Variants in KANK1 observed in about 807,000 individuals in gnomAD.
KANK1 encodes the protein KN motif and ankyrin repeat domains 1, also known as KN motif and ankyrin repeat domain-containing protein 1.
In KANK1, 109 loss-of-function variants were observed where a neutral mutation model predicts 106.2. The observed-to-expected ratio is 1.03, with a 90% CI of 0.88 to 1.20. The LOEUF (loss-of-function observed/expected upper bound fraction) is 1.20. KANK1 is among the 50% of genes most tolerant of loss of function. The pLI, the probability that KANK1 is intolerant of heterozygous loss-of-function variation, is 0.00. For synonymous variants in KANK1, 873 were observed against 652.2 expected, an observed-to-expected ratio of 1.34 and a Z score of -5.16; for missense variants, 2,399 against 1,710.7, an observed-to-expected ratio of 1.40 and a Z score of -7.10.
chr9:540,191 A>G (rs984821705), intron 1 of KANK1, among the ~76,000 whole-genome samples: 1 of 152,164 alleles, frequency 6.6e-6, no homozygotes, highest in Admixed American at 6.6e-5. Context: ...GGCCTTTATT[A>G]TGTCGAGGTC....
chr9:716,018 C>G (rs554704224), intron 3 of KANK1, among the ~76,000 whole-genome samples: 15 of 152,304 alleles, frequency 9.8e-5, no homozygotes, highest in Admixed American at 2.6e-4. Context: ...GAATGTATTT[C>G]TGAACCAAAA....
intron 3 of KANK1, among the ~76,000 whole-genome samples, chr9:725,966 A>T (rs187821872): frequency 7.2e-4 from 110 of 152,344 alleles, no homozygotes; most frequent in African/African-American, 2.5e-3. Flanking sequence ...TTTAGGAAAT[A>T]CTAGAGACAA....
chr9:718,215 T>C (rs1589158617), intron 3 of KANK1, among the ~76,000 whole-genome samples: 1 of 147,706 alleles, frequency 6.8e-6, no homozygotes, highest in East Asian at 2.0e-4. Context: ...CCTGCAGATA[T>C]AAAAATATGA....
chr9:729,190 C>A (rs1447635472), intron 3 of KANK1, among the ~76,000 whole-genome samples: 1 of 152,158 alleles, frequency 6.6e-6, no homozygotes, highest in Non-Finnish European at 1.5e-5. Context: ...CAAAAGCACT[C>A]TAGTAGATTT....
intron 1 of KANK1, among the ~76,000 whole-genome samples, chr9:640,340 A>T (rs941547933): frequency 6.6e-6 from 1 of 151,450 alleles, no homozygotes; most frequent in Non-Finnish European, 1.5e-5. Context: ...GGTTCAGGCG[A>T]TTCTCCTGCA....
At chr9:699,744 T>C (rs1822193175) in intron 2 of KANK1, among the ~76,000 whole-genome samples, 1 of 152,210 alleles carries the variant, frequency 6.6e-6, no homozygotes, top group Admixed American at 6.5e-5. Context: ...ACAATTTTAT[T>C]TGCATGAAGT....
intron 1 of KANK1, among the ~76,000 whole-genome samples, chr9:526,860 C>T (rs1247143505): frequency 6.6e-6 from 1 of 151,780 alleles, no homozygotes; most frequent in Non-Finnish European, 1.5e-5. Flanking sequence ...TTACTTTCCT[C>T]ACACTGTGGA....
intron 1 of KANK1, among the ~76,000 whole-genome samples, chr9:571,842 G>A (rs1341967953): frequency 2.0e-5 from 3 of 152,170 alleles, no homozygotes; most frequent in African/African-American, 7.2e-5. Flanking sequence ...AGAAAAATAT[G>A]GGTTTATAGG....
intron 1 of KANK1, among the ~76,000 whole-genome samples, chr9:628,532 G>C (rs1563888845): frequency 6.6e-6 from 1 of 152,172 alleles, no homozygotes. Context: ...CTCGTCACTT[G>C]AGGTGCTGGT....
chr9:643,472 C>T (rs1049275320), intron 1 of KANK1, among the ~76,000 whole-genome samples: 1 of 150,044 alleles, frequency 6.7e-6, no homozygotes, highest in Non-Finnish European at 1.5e-5. Context: ...GGGGCCTCCT[C>T]CCGAAGAATT....
rs60899850 is a variant in KANK1 at position 709,610 on chromosome 9, CTT to C, written c.38-1177_38-1176del. 3.5e-3 allele frequency among the ~76,000 whole-genome samples: 474 copies of C among 136,916 alleles called. 1 individual carries two copies. Among genetic ancestry groups the C allele is most frequent in the East Asian group, 0.032 (150 of 4,688 alleles). The allele number at this position is 136,916 out of a possible 152,430, so 89.8% of individuals were successfully genotyped here. A position where few individuals can be genotyped will look rare whatever the true frequency, so the allele number is the denominator to read the frequency against. ...TATCTACTGGACAATGCTTTCATGT[CTT>C]TTTTTTTTTTTTTTTTAATTGAGAC... On this transcript the variant is annotated intron_variant, in intron 2 of 11. Coordinates refer to ENST00000382297, the MANE Select transcript of KANK1 (RefSeq NM_015158.5).
At chr9:627,203 A>G (rs369960669) in intron 1 of KANK1, among the ~76,000 whole-genome samples, 3 of 152,284 alleles carry the variant, frequency 2.0e-5, no homozygotes, top group Admixed American at 6.5e-5. Flanking sequence ...TTTATGGACA[A>G]GTCCATCCAG....
intron 1 of KANK1, among the ~76,000 whole-genome samples, chr9:550,769 G>T (rs1015819236): frequency 6.6e-6 from 1 of 152,164 alleles, no homozygotes. Context: ...AATTATGAGC[G>T]TAAGGCCCAG....
At chr9:663,445 CTG>C (rs1843820552) in intron 1 of KANK1, among the ~76,000 whole-genome samples, 1 of 152,196 alleles carries the variant, frequency 6.6e-6, no homozygotes, top group African/African-American at 2.4e-5. Context: ...TCAGTAAATA[CTG>C]TTTTAATGTA....
intron 1 of KANK1, among the ~76,000 whole-genome samples, chr9:609,272 A>T (rs1005820310): frequency 6.6e-6 from 1 of 152,200 alleles, no homozygotes; most frequent in East Asian, 1.9e-4. Flanking sequence ...AATTAAATAG[A>T]TTTGCTTAAC....
chr9:630,419 C>T (rs560416430), intron 1 of KANK1, among the ~76,000 whole-genome samples: 8 of 151,898 alleles, frequency 5.3e-5, no homozygotes, highest in South Asian at 2.1e-4. Flanking sequence ...GGCATGGTGG[C>T]GGGCGCCTGT....
At chr9:507,228 A>C (rs1447491726) in intron 1 of KANK1, among the ~76,000 whole-genome samples, 1 of 150,980 alleles carries the variant, frequency 6.6e-6, no homozygotes, top group Non-Finnish European at 1.5e-5. Flanking sequence ...TGGCACATGC[A>C]CCTGTAGTCC....
intron 1 of KANK1, among the ~76,000 whole-genome samples, chr9:555,653 T>C (rs2641984): frequency 0.44 from 66,954 of 152,052 alleles, 15,600 homozygotes; most frequent in South Asian, 0.6. Context: ...TGGCTGGAGA[T>C]GAAATCACAG....
intron 1 of KANK1, among the ~76,000 whole-genome samples, chr9:573,729 C>G (rs985188589): frequency 5.3e-5 from 8 of 152,110 alleles, no homozygotes; most frequent in Admixed American, 6.5e-5. Context: ...CCACCCCCAC[C>G]TCACCCATTG....
Sources: gnomAD v4.1 joint callset for allele counts (sites outside exome capture counted in the v4.1 genomes callset) on GRCh38, gnomAD v4.1.1 for gene constraint, MANE v1.5 for transcripts, NCBI Gene and HGNC (gene_info 2026-07-23, HGNC 2026-07-21) for gene names.